The following PALD1 variants were observed in gnomAD, a reference collection of about 807,000 sequenced individuals.
PALD1 encodes the protein phosphatase domain containing paladin 1, also known as paladin.
Under a neutral mutation model 96.0 loss-of-function variants are expected in PALD1, and 57 were observed. That is an observed-to-expected ratio of 0.59 (90% confidence interval 0.48 to 0.74). PALD1 has a LOEUF of 0.74. PALD1 is among the 30% of genes least tolerant of loss of function. The pLI, the probability that PALD1 is intolerant of heterozygous loss-of-function variation, is 0.00. For synonymous variants in PALD1, 464 were observed against 473.6 expected, an observed-to-expected ratio of 0.98 and a Z score of 0.26; for missense variants, 1,063 against 1,143.7, an observed-to-expected ratio of 0.93 and a Z score of 1.02.
chr10:70,504,570 A>G (rs1564688727), intron 1 of PALD1, among the ~76,000 whole-genome samples: 1 of 152,252 alleles, frequency 6.6e-6, no homozygotes, highest in Non-Finnish European at 1.5e-5. Flanking sequence ...ATTTATAACA[A>G]GCCTATTATG....
chr10:70,525,881 T>A, intron 1 of PALD1, 42 bp from the exon 2 acceptor site: 1 of 1,542,790 alleles, frequency 6.5e-7, no homozygotes, highest in Non-Finnish European at 8.9e-7. Context: ...TGCTGTGGAT[T>A]TTCCCATCCC....
intron 1 of PALD1, among the ~76,000 whole-genome samples, chr10:70,508,645 G>C (rs184340585): frequency 1.3e-5 from 2 of 152,320 alleles, no homozygotes; most frequent in Admixed American, 6.5e-5. Flanking sequence ...TTGTGACTGT[G>C]GGCAGGTCTC....
chr10:70,482,125 G>C (rs1037131355), intron 1 of PALD1, among the ~76,000 whole-genome samples: 6 of 152,182 alleles, frequency 3.9e-5, no homozygotes, highest in African/African-American at 1.4e-4. Context: ...CATGGCCCTG[G>C]GCCTCTGGGT....
intron 6 of PALD1, 46 bp from the exon 7 acceptor site, chr10:70,532,949 C>G: frequency 3.2e-6 from 5 of 1,543,622 alleles, no homozygotes; most frequent in Non-Finnish European, 4.4e-6. Context: ...GAGGGGGATT[C>G]CCAGAGTGGG....
intron 2 of PALD1, among the ~76,000 whole-genome samples, chr10:70,527,329 T>G (rs967240491): frequency 6.6e-6 from 1 of 152,248 alleles, no homozygotes; most frequent in Non-Finnish European, 1.5e-5. Flanking sequence ...GCTTAGGGCC[T>G]GGAGCCAGCC....
chr10:70,474,466 C>T (rs2132242134), upstream of PALD1, among the ~76,000 whole-genome samples: 1 of 152,198 alleles, frequency 6.6e-6, no homozygotes, highest in South Asian at 2.1e-4. Context: ...GAGCCTGAGG[C>T]AGGAGAATTG....
Position 70,530,077 on chromosome 10 carries a change from G to A in PALD1, c.468+9G>A, listed in dbSNP as rs1281587336. 2.0e-6 allele frequency: 3 copies of A among 1,494,974 alleles called. No homozygotes were observed. Among genetic ancestry groups the A allele is most frequent in the South Asian group, 2.7e-5 (2 of 73,710 alleles). 92.6% of individuals were successfully genotyped at this position (1,494,974 alleles called of 1,614,324 possible). Reference sequence around the variant, plus strand: ...AGAAGGACGGACATAGGGTAAGTATGCCACTTCCCAGGCAGAAGCCAGGTC... The same window carrying A: ...AGAAGGACGGACATAGGGTAAGTATACCACTTCCCAGGCAGAAGCCAGGTC... On this transcript the variant is annotated intron_variant, in intron 4 of 19. Coordinates refer to ENST00000263563, the MANE Select transcript of PALD1 (RefSeq NM_014431.3).
intron 1 of PALD1, among the ~76,000 whole-genome samples, chr10:70,492,420 G>C (rs1360071464): frequency 1.4e-5 from 2 of 143,618 alleles, no homozygotes; most frequent in Non-Finnish European, 3.0e-5. Context: ...GCTATCTGCT[G>C]TGTTACCAGA....
chr10:70,547,227 G>T, intron 17 of PALD1, 79 bp from the exon 18 acceptor site: 2 of 1,360,672 alleles, frequency 1.5e-6, no homozygotes, highest in South Asian at 1.2e-5. Flanking sequence ...GTGGCCTTTT[G>T]GTGAGGGTGC....
chr10:70,480,077 C>G (rs886951080), intron 1 of PALD1, among the ~76,000 whole-genome samples: 3 of 152,234 alleles, frequency 2.0e-5, no homozygotes, highest in African/African-American at 7.2e-5. Context: ...TCCATGCAAG[C>G]AAGCAAATGT....
intron 7 of PALD1, among the ~76,000 whole-genome samples, chr10:70,533,551 A>G (rs943151533): frequency 2.0e-5 from 3 of 151,970 alleles, no homozygotes; most frequent in Admixed American, 1.3e-4. Flanking sequence ...TCCTTTCTTT[A>G]GTGGAGCTAA....
At chr10:70,499,984 G>T (rs10823553) in intron 1 of PALD1, among the ~76,000 whole-genome samples, 23,014 of 152,190 alleles carry the variant, frequency 0.15, 1,949 homozygotes, top group African/African-American at 0.21. Context: ...CTGTACAGGG[G>T]TTTTCTCAGT....
chr10:70,538,170 C>T, intron 11 of PALD1, 110 bp from the exon 12 acceptor site: 1 of 1,204,368 alleles, frequency 8.3e-7, no homozygotes, highest in Non-Finnish European at 1.2e-6. Flanking sequence ...TGTCCCTGCT[C>T]TGGGCCATGT....
At chr10:70,499,511 G>A (rs1194146764) in intron 1 of PALD1, among the ~76,000 whole-genome samples, 3 of 152,232 alleles carry the variant, frequency 2.0e-5, no homozygotes, top group Admixed American at 1.3e-4. Context: ...ACGGCAGGAT[G>A]TCCCTCTTGG....
chr10:70,553,675 C>T (rs1384747697), intron 18 of PALD1, among the ~76,000 whole-genome samples: 1 of 152,232 alleles, frequency 6.6e-6, no homozygotes, highest in Non-Finnish European at 1.5e-5. Flanking sequence ...GAACACACAG[C>T]TGGCAGATTT....
rs397835726 is a variant in PALD1, at chr10:70,568,412, T to TTTA, written c.*1679_*1680insTTA. On this transcript the variant is annotated 3_prime_UTR_variant, in exon 20 of 20. Coordinates refer to ENST00000263563, the MANE Select transcript of PALD1 (RefSeq NM_014431.3). ...ATTCATTTGTGATTTTTTTTTTTTT[T>TTTA]GTACAGAGCTTTTAAGCATTAAAAA... The TTTA allele has an allele frequency of 6.7e-6, 1 of 149,070 alleles. No homozygotes were observed. Among genetic ancestry groups the TTTA allele is most frequent in the Admixed American group, 6.9e-5 (1 of 14,594 alleles). 9.2% of individuals were successfully genotyped at this position (149,070 alleles called of 1,614,324 possible). A position where few individuals can be genotyped will look rare whatever the true frequency, so the allele number is the denominator to read the frequency against.
At chr10:70,553,335 G>T (rs1470785907) in intron 18 of PALD1, among the ~76,000 whole-genome samples, 3 of 152,204 alleles carry the variant, frequency 2.0e-5, no homozygotes, top group African/African-American at 7.2e-5. Flanking sequence ...ATGAGGGAAA[G>T]ATGTTGGCTT....
intron 1 of PALD1, among the ~76,000 whole-genome samples, chr10:70,498,680 A>G (rs61859469): frequency 0.15 from 22,068 of 151,660 alleles, 1,977 homozygotes; most frequent in Admixed American, 0.2. Context: ...TAATCCCAGC[A>G]CTTTGGGAGG....
At chr10:70,534,697 C>A (rs750852438) in intron 9 of PALD1, 42 bp from the exon 10 acceptor site, 32 of 1,226,556 alleles carry the variant, frequency 2.6e-5, no homozygotes, top group Middle Eastern at 3.8e-4. Flanking sequence ...CTGCTCCCCA[C>A]CCCCCCACCT....
Sources: allele counts gnomAD v4.1 joint callset (sites outside exome capture counted in the v4.1 genomes callset), GRCh38; gene constraint gnomAD v4.1.1; transcripts MANE v1.5; gene names NCBI Gene and HGNC (gene_info 2026-07-23, HGNC 2026-07-21).